Variants in PLCL2 observed in about 807,000 individuals in gnomAD.
PLCL2 encodes the protein inactive phospholipase C-like protein 2.
A neutral mutation model predicts 79.6 loss-of-function variants in PLCL2; 4 were observed. That is an observed-to-expected ratio of 0.05 (90% CI 0.02 to 0.11). The LOEUF is 0.11. Ranked by LOEUF, PLCL2 falls within the 10% of genes least tolerant of loss-of-function variation. PLCL2 has a pLI of 1.00. For missense variants in PLCL2, 895 were observed against 1,291.0 expected, an observed-to-expected ratio of 0.69 and a Z score of 4.70; for synonymous variants, 484 against 457.7, an observed-to-expected ratio of 1.06 and a Z score of -0.73.
chr3:16,951,523 T>C (rs2063651818), intron 1 of PLCL2, among the ~76,000 whole-genome samples: 1 of 152,138 alleles, frequency 6.6e-6, no homozygotes, highest in Non-Finnish European at 1.5e-5. Context: ...ATTCATCTTT[T>C]TATTGCTATA....
intron 1 of PLCL2, among the ~76,000 whole-genome samples, chr3:16,910,746 C>T (rs781518996): frequency 1.3e-5 from 2 of 151,996 alleles, no homozygotes; most frequent in Non-Finnish European, 2.9e-5. Context: ...CTTTTCATAT[C>T]TGAAACACAA....
chr3:17,046,355 CTA>C (rs1219720344), intron 4 of PLCL2, among the ~76,000 whole-genome samples: 1 of 152,152 alleles, frequency 6.6e-6, no homozygotes, highest in Admixed American at 6.5e-5. Flanking sequence ...TTTCTAATAT[CTA>C]TGTTTTTGTC....
chr3:16,998,927 G>A (rs143767747), intron 1 of PLCL2, among the ~76,000 whole-genome samples: 140 of 152,326 alleles, frequency 9.2e-4, no homozygotes, highest in African/African-American at 3.2e-3. Flanking sequence ...TTTGGGTGCT[G>A]TAGGTTTATC....
At chr3:16,944,876 C>T (rs896484799) in intron 1 of PLCL2, among the ~76,000 whole-genome samples, 12 of 151,918 alleles carry the variant, frequency 7.9e-5, no homozygotes, top group Non-Finnish European at 1.8e-4. Flanking sequence ...TCTCCTACCT[C>T]AGCCTCCCGA....
intron 1 of PLCL2, among the ~76,000 whole-genome samples, chr3:16,899,453 C>T (rs1490953293): frequency 6.6e-6 from 1 of 152,136 alleles, no homozygotes; most frequent in East Asian, 1.9e-4. Context: ...GAAGTTCACA[C>T]CAGAGACCTG....
intron 2 of PLCL2, among the ~76,000 whole-genome samples, chr3:17,013,838 A>G (rs2064354847): frequency 6.6e-6 from 1 of 152,182 alleles, no homozygotes; most frequent in South Asian, 2.1e-4. Context: ...GGGCCTTAAC[A>G]TCAGCAGCTT....
intron 1 of PLCL2, among the ~76,000 whole-genome samples, chr3:16,966,918 C>A (rs1055698559): frequency 6.6e-6 from 1 of 152,050 alleles, no homozygotes; most frequent in Non-Finnish European, 1.5e-5. Flanking sequence ...TCCTCACCCT[C>A]CTCCCACCCT....
intron 4 of PLCL2, among the ~76,000 whole-genome samples, chr3:17,058,755 A>C (rs2124935243): frequency 6.6e-6 from 1 of 152,296 alleles, no homozygotes; most frequent in East Asian, 1.9e-4. Context: ...AGCAAGATGC[A>C]GAAGAACAAA....
At position 17,012,152 on chromosome 3, in the gene PLCL2, A is replaced by G; in HGVS notation, c.2806A>G (p.Asn936Asp). Residue 936 changes from asparagine (N) to aspartate (D), a missense_variant, in exon 2 of 6, where the codon AAC becomes GAC. Asn to Asp is a conservative substitution (Grantham distance 23). Transcript: ENST00000615277. ...ACGGGATGCCACAGATCTGAGAGAA[A>G]ACATGCAGGTGCGTGCTTGTGTTTA... ...PIRDATDLRE[N>D]MQNAVVSFKE... 6.2e-7 allele frequency: 1 copy of G among 1,609,348 alleles called. No homozygotes were observed. Among genetic ancestry groups the G allele is most frequent in the Non-Finnish European group, 8.5e-7 (1 of 1,176,562 alleles).
intron 1 of PLCL2, among the ~76,000 whole-genome samples, chr3:16,980,963 G>A (rs1238234347): frequency 6.6e-6 from 1 of 152,284 alleles, no homozygotes. Context: ...GCGAAACCTC[G>A]TCTCCACCAA....
chr3:17,030,246 C>T (rs2064566116), intron 3 of PLCL2, among the ~76,000 whole-genome samples: 1 of 152,086 alleles, frequency 6.6e-6, no homozygotes, highest in Non-Finnish European at 1.5e-5. Context: ...TTTTTAAACT[C>T]TACAATGGGC....
chr3:17,015,337 A>G (rs1290398869), intron 3 of PLCL2, among the ~76,000 whole-genome samples: 1 of 152,226 alleles, frequency 6.6e-6, no homozygotes, highest in African/African-American at 2.4e-5. Context: ...AGGTGCCTGT[A>G]TCACATGACT....
At chr3:16,974,644 A>G (rs1283045130) in intron 1 of PLCL2, among the ~76,000 whole-genome samples, 2 of 152,160 alleles carry the variant, frequency 1.3e-5, no homozygotes, top group African/African-American at 4.8e-5. Flanking sequence ...ATGTTTCCCA[A>G]AGGGACATGA....
At chr3:16,955,637 A>G (rs1411067777) in intron 1 of PLCL2, among the ~76,000 whole-genome samples, 4 of 152,094 alleles carry the variant, frequency 2.6e-5, no homozygotes, top group Non-Finnish European at 4.4e-5. Context: ...CATTTTCACC[A>G]TATTGGTTCT....
intron 1 of PLCL2, among the ~76,000 whole-genome samples, chr3:16,980,008 G>A (rs1421231234): frequency 2.0e-5 from 3 of 147,942 alleles, no homozygotes; most frequent in African/African-American, 5.0e-5. Context: ...CAGCTGGCCG[G>A]GCAGAGGGGC....
At chr3:16,932,711 A>G (rs1295186434) in intron 1 of PLCL2, among the ~76,000 whole-genome samples, 3 of 152,158 alleles carry the variant, frequency 2.0e-5, no homozygotes, top group Non-Finnish European at 4.4e-5. Context: ...TCCAGAGCAT[A>G]TTACTCCCTT....
rs1400848609 is a variant in PLCL2 at position 16,886,534 on chromosome 3, C to G, written c.327+1168C>G. On this transcript the variant is annotated intron_variant, in intron 1 of 5. Transcript: ENST00000615277. The surrounding 1 kb of genome is among the most constrained non-coding windows in gnomAD (Gnocchi z 4.2). ...GCAGTAATCTAGTGAAATATACCAT[C>G]TTGCTACTCTATGTAAGAGGCAATT... Among the ~76,000 whole-genome samples the G allele has an allele frequency of 2.0e-5, 3 of 152,194 alleles. No individual in the cohort carries two copies. The highest frequency in any genetic ancestry group is 4.4e-5 in the Non-Finnish European group (3 of 68,022).
At chr3:16,986,261 T>G (rs1381301926) in intron 1 of PLCL2, among the ~76,000 whole-genome samples, 2 of 152,130 alleles carry the variant, frequency 1.3e-5, no homozygotes, top group Non-Finnish European at 1.5e-5. Context: ...TCAGAGGAGT[T>G]GGGTTCACAC....
chr3:17,038,870 T>C (rs569968192), intron 3 of PLCL2, among the ~76,000 whole-genome samples: 6 of 152,308 alleles, frequency 3.9e-5, no homozygotes, highest in African/African-American at 1.4e-4. Flanking sequence ...TGTCAAGACC[T>C]ATAATGGTTT....
Sources: allele counts gnomAD v4.1 joint callset (sites outside exome capture counted in the v4.1 genomes callset), GRCh38; gene constraint gnomAD v4.1.1; non-coding constraint Gnocchi (gnomAD v3.1); transcripts MANE v1.5; gene names NCBI Gene and HGNC (gene_info 2026-07-23, HGNC 2026-07-21).